PHACTR4: variants seen among roughly 807,000 people sequenced by gnomAD.
PHACTR4 encodes the protein protein phosphatase 1, regulatory subunit 124.
In PHACTR4, 51 loss-of-function variants were observed where a neutral mutation model predicts 72.7. The observed-to-expected ratio is 0.70, with a 90% CI of 0.56 to 0.89. The LOEUF (loss-of-function observed/expected upper bound fraction) is 0.89. Ranked by LOEUF, PHACTR4 falls within the 40% of genes least tolerant of loss-of-function variation. The pLI is 0.00. For synonymous variants in PHACTR4, 255 were observed against 302.5 expected, an observed-to-expected ratio of 0.84 and a Z score of 1.63; for missense variants, 731 against 861.8, an observed-to-expected ratio of 0.85 and a Z score of 1.90.
Position 28,473,775 on chromosome 1 carries a change from A to C in PHACTR4, c.1045A>C (p.Thr349Pro). Residue 349 changes from threonine to proline, a missense_variant, in exon 7 of 14, where the codon ACT becomes CCT. Around this residue, in one of 2 missense-constraint regions of PHACTR4, gnomAD observed 621 missense variants for 676.6 expected, o/e 0.92. Coordinates refer to ENST00000373839, the MANE Select transcript of PHACTR4 (RefSeq NM_001048183.3). ...SPRSPSPPLPTHIPPEPPRTP... is the reference protein window; with the variant it reads ...SPRSPSPPLPPHIPPEPPRTP... ...TCGCTCTCCGTCCCCCCCACTGCCT[A>C]CTCATATACCTCCAGAGCCTCCACG... 1 of 1,613,594 alleles carries C rather than the reference A, an allele frequency of 6.2e-7. No individual in the cohort carries two copies. The highest frequency in any genetic ancestry group is 8.5e-7 in the Non-Finnish European group (1 of 1,179,882).
intron 1 of PHACTR4, among the ~76,000 whole-genome samples, chr1:28,404,720 G>T (rs1471684540): frequency 6.6e-6 from 1 of 152,076 alleles, no homozygotes; most frequent in African/African-American, 2.4e-5. Context: ...AGTTTATTGA[G>T]GCCCCAGTTT....
chr1:28,417,406 T>C (rs1028957863), intron 2 of PHACTR4, among the ~76,000 whole-genome samples: 1 of 152,150 alleles, frequency 6.6e-6, no homozygotes, highest in Admixed American at 6.6e-5. Flanking sequence ...CAATAACTAA[T>C]AATAAAATAG....
At chr1:28,407,267 ATCATTT>A in intron 1 of PHACTR4, 137 bp from the exon 2 acceptor site, 1 of 396,662 alleles carries the variant, frequency 2.5e-6, no homozygotes, top group Non-Finnish European at 4.4e-6. Flanking sequence ...AAAAAAAACT[ATCATTT>A]AATAAGTTGT....
At chr1:28,463,770 T>C in intron 4 of PHACTR4, among the ~76,000 whole-genome samples, 1 of 152,206 alleles carries the variant, frequency 6.6e-6, no homozygotes, top group East Asian at 1.9e-4. Context: ...TTTCACTCTG[T>C]CACCCAGGCT....
rs146400683 is a variant in PHACTR4 at position 28,407,264 on chromosome 1, A to AAAG, written c.-38-146_-38-145insAAG. 55 of 369,866 alleles carry AAAG rather than the reference A, an allele frequency of 1.5e-4. 1 individual carries two copies. Among genetic ancestry groups the AAAG allele is most frequent in the Non-Finnish European group, 1.9e-4 (40 of 207,086 alleles). 22.9% of individuals were successfully genotyped at this position (369,866 alleles called of 1,614,324 possible). A position where few individuals can be genotyped will look rare whatever the true frequency, so the allele number is the denominator to read the frequency against. ...ATCCTGTCTCAAAAAAAAAAAAAAA[A>AAAG]CTATCATTTAATAAGTTGTACATTT... On this transcript the variant is annotated intron_variant, in intron 1 of 13. Coordinates refer to ENST00000373839, the MANE Select transcript of PHACTR4 (RefSeq NM_001048183.3).
intron 1 of PHACTR4, among the ~76,000 whole-genome samples, chr1:28,394,730 G>GGGATTA (rs1026996215): frequency 1.3e-5 from 2 of 151,728 alleles, no homozygotes; most frequent in African/African-American, 4.8e-5. Flanking sequence ...CCGAGTAGCT[G>GGGATTA]GGATTACAGG....
intron 2 of PHACTR4, among the ~76,000 whole-genome samples, chr1:28,427,116 C>T (rs1655919623): frequency 6.6e-6 from 1 of 152,174 alleles, no homozygotes; most frequent in Non-Finnish European, 1.5e-5. Context: ...GAGAACTGAG[C>T]AGCAAGTTTG....
chr1:28,485,189 G>C (rs1239412289), intron 9 of PHACTR4, among the ~76,000 whole-genome samples: 1 of 152,082 alleles, frequency 6.6e-6, no homozygotes, highest in Non-Finnish European at 1.5e-5. Context: ...CAGGGGCTCG[G>C]GATTGAAGGC....
At chr1:28,441,466 A>C (rs762821156) in intron 2 of PHACTR4, among the ~76,000 whole-genome samples, 7 of 152,318 alleles carry the variant, frequency 4.6e-5, no homozygotes, top group Non-Finnish European at 8.8e-5. Flanking sequence ...GTCTGCTTTC[A>C]AATAAATAAC....
chr1:28,425,228 C>T (rs1655765805), intron 2 of PHACTR4, among the ~76,000 whole-genome samples: 1 of 152,216 alleles, frequency 6.6e-6, no homozygotes, highest in Admixed American at 6.5e-5. Flanking sequence ...AAGCAGTTCT[C>T]CTGCCTTAGC....
In PHACTR4 at chr1:28,466,483, G is replaced by T. The variant is rs1268977557; in HGVS notation, c.538G>T (p.Glu180Ter). 1 of 1,613,940 alleles carries T rather than the reference G, an allele frequency of 6.2e-7. No individual in the cohort carries two copies. Among genetic ancestry groups the T allele is most frequent in the Admixed American group, 1.7e-5 (1 of 59,978 alleles). Residue 180 changes from glutamate (E) to a stop codon, truncating the protein, a stop_gained, in exon 6 of 14, where the codon GAA becomes TAA. Transcript: ENST00000373839. LOFTEE classifies it high-confidence loss of function. ...PPKRPLSSSH[E>*]ASEGQAKDAT... ...CAAAAGACCCTTGTCCTCTTCTCATGAAGCAAGTGAAGGGCAAGCAAAGGA... is the reference window on the plus strand; with the variant it reads ...CAAAAGACCCTTGTCCTCTTCTCATTAAGCAAGTGAAGGGCAAGCAAAGGA...
At chr1:28,409,427 A>G (rs887353266) in intron 2 of PHACTR4, among the ~76,000 whole-genome samples, 4 of 152,182 alleles carry the variant, frequency 2.6e-5, no homozygotes, top group Non-Finnish European at 5.9e-5. Flanking sequence ...GTCTTAGGAT[A>G]TCAGATTTTT....
intron 1 of PHACTR4, among the ~76,000 whole-genome samples, chr1:28,385,542 CAAAAA>C (rs765203303): frequency 1.3e-5 from 1 of 79,186 alleles, no homozygotes; most frequent in Non-Finnish European, 2.4e-5. Flanking sequence ...GACTCTGTCT[CAAAAA>C]AAAAAAAAAA....
At chr1:28,389,038 C>T (rs1476991338) in intron 1 of PHACTR4, among the ~76,000 whole-genome samples, 5 of 152,106 alleles carry the variant, frequency 3.3e-5, no homozygotes, top group African/African-American at 1.2e-4. Context: ...AACTCAAAAG[C>T]TTCCGCACAG....
intron 9 of PHACTR4, among the ~76,000 whole-genome samples, chr1:28,483,948 T>G (rs956681189): frequency 6.6e-6 from 1 of 152,042 alleles, no homozygotes; most frequent in African/African-American, 2.4e-5. Flanking sequence ...CTCCGTACTT[T>G]GGGAGGCCAG....
chr1:28,429,908 TG>T (rs1656127945), intron 2 of PHACTR4, among the ~76,000 whole-genome samples: 1 of 152,202 alleles, frequency 6.6e-6, no homozygotes, highest in Non-Finnish European at 1.5e-5. Flanking sequence ...AACTTTTTTT[TG>T]GTGGTGTGTC....
At chr1:28,399,737 A>G (rs1056334588) in intron 1 of PHACTR4, among the ~76,000 whole-genome samples, 1 of 152,212 alleles carries the variant, frequency 6.6e-6, no homozygotes, top group Non-Finnish European at 1.5e-5. Context: ...CTATAGATAA[A>G]TTACAGATAG....
At chr1:28,425,207 C>T (rs573000279) in intron 2 of PHACTR4, among the ~76,000 whole-genome samples, 2 of 152,320 alleles carry the variant, frequency 1.3e-5, no homozygotes, top group East Asian at 3.9e-4. Flanking sequence ...CAGCCTCCAC[C>T]TCCCAGGGTC....
At chr1:28,448,993 A>C (rs1657735641) in intron 2 of PHACTR4, among the ~76,000 whole-genome samples, 1 of 151,346 alleles carries the variant, frequency 6.6e-6, no homozygotes, top group African/African-American at 2.4e-5. Flanking sequence ...CTACTAAAAA[A>C]ATTAGCCAGA....
Sources: gnomAD v4.1 joint callset for allele counts (sites outside exome capture counted in the v4.1 genomes callset) on GRCh38, gnomAD v4.1.1 for gene constraint, gnomAD v4.1.1 regional missense constraint, MANE v1.5 for transcripts, NCBI Gene and HGNC (gene_info 2026-07-23, HGNC 2026-07-21) for gene names.